The following PGAM5 variants were observed in gnomAD, a reference collection of about 807,000 sequenced individuals.
PGAM5 encodes the protein PGAM family member 5, mitochondrial serine/threonine protein phosphatase.
PGAM5 carries 25 observed loss-of-function variants against 30.6 expected under a neutral mutation model. That is an observed-to-expected ratio of 0.82 (90% CI 0.60 to 1.14). The LOEUF (loss-of-function observed/expected upper bound fraction) is 1.14. PGAM5 is among the 50% of genes most tolerant of loss of function. The pLI, the probability that PGAM5 is intolerant of heterozygous loss-of-function variation, is 0.00. For synonymous variants in PGAM5, 201 were observed against 179.1 expected (o/e 1.12, Z -0.98); for missense variants, 384 against 408.5 (o/e 0.94, Z 0.52).
In PGAM5 at chr12:132,720,760, G is replaced by A. The variant is rs1343841283; in HGVS notation, c.802G>A (p.Gly268Ser). The A allele has an allele frequency of 8.5e-6, 13 of 1,536,152 alleles. No homozygotes were observed. Among genetic ancestry groups the A allele is most frequent in the African/African-American group, 2.7e-5 (2 of 72,968 alleles). The change falls in exon 6 of 6, where the codon GGC becomes AGC. Residue 268 changes from glycine to serine, a missense_variant. Gly to Ser is a moderately conservative substitution (Grantham distance 56). Transcript: ENST00000498926. ...CACCCACCTGGTGATCCGACCCAAC[G>A]GCCGAGTTGCGCTCAGGACCCTCGG... ...SITHLVIRPN[G>S]RVALRTLGDT... is the part of the protein sequence containing the mutation.
In PGAM5 at chr12:132,722,433, A is replaced by G. The variant is rs2043655827; in HGVS notation, c.*1605A>G. On this transcript the variant is annotated 3_prime_UTR_variant, in exon 6 of 6. Coordinates refer to ENST00000498926, the MANE Select transcript of PGAM5 (RefSeq NM_001170543.2). The stretch of plus-strand genomic sequence containing the variant: ...GCCTGGCTAATTTTTTATTTTTAGT[A>G]GAGATGGGGTTTCACCGTGTTGGCC... 1 of 151,740 alleles carries G rather than the reference A, an allele frequency of 6.6e-6. No homozygotes were observed. The highest frequency in any genetic ancestry group is 2.4e-5 in the African/African-American group (1 of 41,320). 9.4% of individuals were successfully genotyped at this position (151,740 alleles called of 1,614,324 possible).
Position 132,717,347 on chromosome 12 carries a change from T to C in PGAM5, c.371-92T>C, listed in dbSNP as rs55689734. 1.1e-3 allele frequency: 1,133 copies of C among 1,021,368 alleles called. 2 individuals carry two copies. The African/African-American group carries it at 0.026, about 23-fold the overall frequency. 63.3% of individuals were successfully genotyped at this position (1,021,368 alleles called of 1,614,324 possible). On this transcript the variant is annotated intron_variant, in intron 2 of 5. Transcript: ENST00000498926. ...GGGCGGAGGAGGGGGTGTTTGAGGG[T>C]GGAGGAGGGCGTGTTTGCGGGCGGA... is the stretch of plus-strand genomic sequence containing the variant.
chr12:132,719,726 C>G (rs561024812), intron 5 of PGAM5, among the ~76,000 whole-genome samples: 1 of 152,364 alleles, frequency 6.6e-6, no homozygotes, highest in South Asian at 2.1e-4. Flanking sequence ...CTGTGCTGTT[C>G]CGGCCGGTGC....
At chr12:132,718,931 T>G (rs2136086943) in intron 5 of PGAM5, 1 of 1,555,902 alleles carries the variant, frequency 6.4e-7, no homozygotes, top group South Asian at 1.2e-5. Flanking sequence ...GGCTGCTCCC[T>G]CGGGGGGCCC....
At chr12:132,714,659 C>T (rs1238138054) in intron 1 of PGAM5, 199 bp from the exon 2 acceptor site, 1 of 594,756 alleles carries the variant, frequency 1.7e-6, no homozygotes, top group Non-Finnish European at 3.0e-6. Flanking sequence ...GCGCATCACT[C>T]AGAACAGACC....
intron 5 of PGAM5, chr12:132,719,210 TC>T: frequency 8.7e-7 from 1 of 1,149,510 alleles, no homozygotes; most frequent in East Asian, 6.9e-5. Flanking sequence ...GTGTGTGGGC[TC>T]CGCAGCTGAG....
chr12:132,721,046 A>T lies in PGAM5; in HGVS notation c.*218A>T, dbSNP rs2043639972. The T allele has an allele frequency of 3.8e-6, 2 of 528,436 alleles. No individual in the cohort carries two copies. Among genetic ancestry groups the T allele is most frequent in the Non-Finnish European group, 6.4e-6 (2 of 310,078 alleles). 32.7% of individuals were successfully genotyped at this position (528,436 alleles called of 1,614,324 possible). ...AACCCCCAGGATGGCGTGGGGTTTA[A>T]GGTGAAAGCGTCTCACGCACAAGTC... On this transcript the variant is annotated 3_prime_UTR_variant, in exon 6 of 6. Transcript: ENST00000498926.
rs1372520922 is a variant in PGAM5, at chr12:132,710,905, C to T, written c.29C>T (p.Ala10Val). 2 of 1,145,120 alleles carry T rather than the reference C, an allele frequency of 1.7e-6. No homozygotes were observed. The highest frequency in any genetic ancestry group is 1.6e-5 in the African/African-American group (1 of 60,848). 70.9% of individuals were successfully genotyped at this position (1,145,120 alleles called of 1,614,324 possible). A position where few individuals can be genotyped will look rare whatever the true frequency, so the allele number is the denominator to read the frequency against. ...GCGTTCCGGCAGGCGCTGCAGCTGG[C>T]GGCCTGCGGGCTGGCCGGGGGCTCG... MAFRQALQL[A>V]ACGLAGGSAA... Residue 10 changes from alanine (A) to valine (V), a missense_variant, in exon 1 of 6, where the codon GCG becomes GTG. Coordinates refer to ENST00000498926, the MANE Select transcript of PGAM5 (RefSeq NM_001170543.2).
rs1274228834 is a variant in PGAM5, at chr12:132,721,940, G to C, written c.*1112G>C. 2 of 151,780 alleles carry C rather than the reference G, an allele frequency of 1.3e-5. No individual in the cohort carries two copies. Among genetic ancestry groups the C allele is most frequent in the African/African-American group, 2.4e-5 (1 of 41,142 alleles). The allele number at this position is 151,780 out of a possible 1,614,324, so 9.4% of individuals were successfully genotyped here. ...TTTTCTTCATCTGGGTTTTTGCTTTGAAAACAAGTTTCTCCAAATTTACAG... is the reference window on the plus strand; with the variant it reads ...TTTTCTTCATCTGGGTTTTTGCTTTCAAAACAAGTTTCTCCAAATTTACAG... On this transcript the variant is annotated 3_prime_UTR_variant, in exon 6 of 6. Coordinates refer to ENST00000498926, the MANE Select transcript of PGAM5 (RefSeq NM_001170543.2).
At chr12:132,716,592 C>T (rs1018006924) in intron 2 of PGAM5, among the ~76,000 whole-genome samples, 9 of 152,188 alleles carry the variant, frequency 5.9e-5, no homozygotes, top group African/African-American at 2.2e-4. Context: ...CCGCCTGTCC[C>T]CACTGGCAGA....
At position 132,717,569 on chromosome 12, in the gene PGAM5, G is replaced by T; in HGVS notation, c.496+5G>T. The T allele has an allele frequency of 6.2e-7, 1 of 1,610,498 alleles. No individual in the cohort carries two copies. ...TCATCAGCCGGCACCTGCCAGGTGA[G>T]TGCTGCGCGCGGGGCCTCCATGCTT... On this transcript the variant is annotated splice_donor_5th_base_variant and intron_variant, in intron 3 of 5. Coordinates refer to ENST00000498926, the MANE Select transcript of PGAM5 (RefSeq NM_001170543.2).
intron 1 of PGAM5, among the ~76,000 whole-genome samples, chr12:132,711,958 C>G (rs979240336): frequency 6.6e-6 from 1 of 152,204 alleles, no homozygotes; most frequent in African/African-American, 2.4e-5. Flanking sequence ...TCGGCCAGGA[C>G]TGCTCTAGCG....
At chr12:132,712,969 C>A (rs971211573) in intron 1 of PGAM5, among the ~76,000 whole-genome samples, 26 of 151,946 alleles carry the variant, frequency 1.7e-4, no homozygotes, top group Non-Finnish European at 7.4e-5. Flanking sequence ...ACCAGCCTGA[C>A]CAACACGGTG....
At chr12:132,717,639 G>T in intron 3 of PGAM5, 71 bp from the exon 4 acceptor site, 1 of 1,590,592 alleles carries the variant, frequency 6.3e-7, no homozygotes, top group Non-Finnish European at 8.6e-7. Flanking sequence ...TGAGCTCCTG[G>T]CCACCGGGAG....
intron 5 of PGAM5, among the ~76,000 whole-genome samples, chr12:132,718,576 GTCCT>G (rs2043610924): frequency 1.3e-4 from 2 of 15,520 alleles, no homozygotes; most frequent in Non-Finnish European, 2.6e-4. Flanking sequence ...TGGGTGGGGG[GTCCT>G]GGGTGGGGTG....
rs1231491083 is a variant in PGAM5 at position 132,714,838 on chromosome 12, A to G, written c.192-20A>G. 1.9e-6 allele frequency: 3 copies of G among 1,612,106 alleles called. No individual in the cohort carries two copies. The highest frequency in any genetic ancestry group is 1.3e-5 in the African/African-American group (1 of 74,922). Reference sequence around the variant, plus strand: ...TTGGGAACAGAGGTCTCAAGGACATATCTTGTATTTCAACATCAGGCGAGA... The same window carrying G: ...TTGGGAACAGAGGTCTCAAGGACATGTCTTGTATTTCAACATCAGGCGAGA... On this transcript the variant is annotated intron_variant, in intron 1 of 5. Transcript: ENST00000498926.
In PGAM5 at chr12:132,720,313, GT is replaced by G. The variant is rs758552620; in HGVS notation, c.720-352del. Reference sequence around the variant, plus strand: ...GAGTCCCCTGGCTCTAGCCCAGCCCGTTTTTTTTTTTTTAGACAGAATCTCG... The same window carrying G: ...GAGTCCCCTGGCTCTAGCCCAGCCCGTTTTTTTTTTTTAGACAGAATCTCG... On this transcript the variant is annotated intron_variant, in intron 5 of 5. Transcript: ENST00000498926. Among the ~76,000 whole-genome samples, 882 of 138,972 alleles carry G rather than the reference GT, an allele frequency of 6.3e-3. 9 individuals carry two copies. Among genetic ancestry groups the G allele is most frequent in the African/African-American group, 0.02 (751 of 38,300 alleles). 91.2% of individuals were successfully genotyped at this position (138,972 alleles called of 152,430 possible). A position where few individuals can be genotyped will look rare whatever the true frequency, so the allele number is the denominator to read the frequency against.
intron 2 of PGAM5, among the ~76,000 whole-genome samples, chr12:132,716,387 ATT>A (rs761735058): frequency 2.9e-5 from 4 of 139,098 alleles, no homozygotes; most frequent in Non-Finnish European, 3.1e-5. Flanking sequence ...ACCCAGCCTA[ATT>A]TTTTTTTTTT....
intron 2 of PGAM5, among the ~76,000 whole-genome samples, chr12:132,716,714 G>C (rs116976773): frequency 6.6e-6 from 1 of 152,334 alleles, no homozygotes; most frequent in Non-Finnish European, 1.5e-5. Context: ...GGTGGGCTAA[G>C]GTAGAGTTTA....
Sources: allele counts gnomAD v4.1 joint callset (sites outside exome capture counted in the v4.1 genomes callset), GRCh38; gene constraint gnomAD v4.1.1; transcripts MANE v1.5; gene names NCBI Gene and HGNC (gene_info 2026-07-23, HGNC 2026-07-21).